ZNF18: variants seen among roughly 807,000 people sequenced by gnomAD.
ZNF18 encodes zinc finger protein 18, also known as heart development-specific gene 1 protein.
In ZNF18, 42 loss-of-function variants were observed where a neutral mutation model predicts 58.1. The ratio of observed to expected loss-of-function variants is 0.72; its 90% CI spans 0.56 to 0.93. ZNF18 has a LOEUF of 0.93. ZNF18 is among the 40% of genes least tolerant of loss of function. ZNF18 has a pLI of 0.00. For missense variants in ZNF18, 540 were observed against 644.2 expected (o/e 0.84, Z 1.75); for synonymous variants, 231 against 239.8 (o/e 0.96, Z 0.34).
the ZNF18 span, among the ~76,000 whole-genome samples, chr17:12,016,992 T>C: frequency 6.6e-6 from 1 of 150,422 alleles, no homozygotes; most frequent in African/African-American, 2.4e-5. Flanking sequence ...AGGCCAGGAG[T>C]TCAAGACAAG....
intron 6 of ZNF18, among the ~76,000 whole-genome samples, chr17:11,980,699 G>A (rs992266510): frequency 2.0e-5 from 3 of 152,214 alleles, no homozygotes; most frequent in South Asian, 2.1e-4. Context: ...GATTACAGAC[G>A]TGAGCCACCG....
intron 6 of ZNF18, among the ~76,000 whole-genome samples, chr17:11,981,654 C>A (rs1037129442): frequency 2.7e-5 from 4 of 146,798 alleles, no homozygotes; most frequent in Admixed American, 7.0e-5. Flanking sequence ...AACAAACAAA[C>A]AAAAAACGAG....
chr17:11,994,381 G>T (rs1968331309), intron 1 of ZNF18, among the ~76,000 whole-genome samples: 1 of 152,120 alleles, frequency 6.6e-6, no homozygotes, highest in Non-Finnish European at 1.5e-5. Context: ...TAATGCAGGA[G>T]ATAGGGGCGC....
upstream of ZNF18, among the ~76,000 whole-genome samples, chr17:12,001,836 T>C (rs1166391680): frequency 2.6e-5 from 4 of 151,906 alleles, no homozygotes; most frequent in Non-Finnish European, 5.9e-5. Context: ...AAACTAAAAA[T>C]AAATTTTTAA....
intron 6 of ZNF18, among the ~76,000 whole-genome samples, chr17:11,981,318 CTT>C (rs35186030): frequency 2.7e-4 from 37 of 135,812 alleles, no homozygotes; most frequent in Admixed American, 3.0e-4. Context: ...CACATATCCT[CTT>C]TTTTTTTTTT....
upstream of ZNF18, among the ~76,000 whole-genome samples, chr17:11,998,820 G>C: frequency 1.5e-5 from 2 of 132,572 alleles, no homozygotes; most frequent in African/African-American, 2.8e-5. Context: ...GAAGTTTCTA[G>C]TCTTTTTTTT....
At chr17:12,015,418 G>A in the ZNF18 span, among the ~76,000 whole-genome samples, 180 of 152,208 alleles carry the variant, frequency 1.2e-3, no homozygotes, top group Non-Finnish European at 2.1e-3. Flanking sequence ...ATATTAGTTG[G>A]ACAAATTCAG....
At chr17:12,001,867 T>C (rs990582815), upstream of ZNF18, among the ~76,000 whole-genome samples, 1 of 151,590 alleles carries the variant, frequency 6.6e-6, no homozygotes, top group African/African-American at 2.4e-5. Flanking sequence ...TAAATGAAAA[T>C]CACTAGTTAC....
At chr17:11,978,840 CTTTTTTTTTTTTTT>C (rs56969015) in intron 6 of ZNF18, 96 bp from the exon 7 acceptor site, 6 of 120,518 alleles carry the variant, frequency 5.0e-5, no homozygotes, top group East Asian at 1.9e-4. Flanking sequence ...CATTCATTTT[CTTTTTTTTTTTTTT>C]TTTTTTTTTT....
the ZNF18 span, among the ~76,000 whole-genome samples, chr17:12,018,970 T>A: frequency 1.3e-5 from 2 of 151,344 alleles, no homozygotes; most frequent in African/African-American, 4.8e-5. Flanking sequence ...ATATTTTTTT[T>A]AATAGATGGA....
Position 11,992,571 on chromosome 17 carries a change from C to A in ZNF18, c.259G>T (p.Glu87Ter), listed in dbSNP as rs200136196. ...KEQILEILMLEQFLTILPGEI... is the reference protein window; with the variant it reads ...KEQILEILML ...CCAGGCAGGATGGTCAGAAACTGCT[C>A]CAACATGAGGATCTCTAGGATCTGC... is the stretch of plus-strand genomic sequence containing the variant. Residue 87 changes from glutamate (E) to a stop codon, truncating the protein, a stop_gained, in exon 2 of 7, where the codon GAG (glutamate) becomes TAG (stop). Transcript: ENST00000580306. LOFTEE classifies it high-confidence loss of function. The A allele has an allele frequency of 1.2e-6, 2 of 1,614,088 alleles. No homozygotes were observed. Among genetic ancestry groups the A allele is most frequent in the Admixed American group, 3.3e-5 (2 of 59,992 alleles).
At chr17:11,995,749 T>A (rs1364727777) in intron 1 of ZNF18, 1 of 151,196 alleles carries the variant, frequency 6.6e-6, no homozygotes, top group Non-Finnish European at 1.5e-5. Context: ...CTTGCTCTAA[T>A]TGACATTTTC....
the ZNF18 span, chr17:12,021,087 C>A: frequency 1.2e-6 from 1 of 815,548 alleles, no homozygotes; most frequent in Non-Finnish European, 1.6e-6. Flanking sequence ...CGCCCCCGGA[C>A]CCGGCTGAGG....
the ZNF18 span, among the ~76,000 whole-genome samples, chr17:12,017,085 C>T: frequency 6.6e-6 from 1 of 151,594 alleles, no homozygotes; most frequent in Non-Finnish European, 1.5e-5. Flanking sequence ...GTAGTGCCAT[C>T]TGCTTGGGAG....
At chr17:11,995,746 T>C (rs1968433688) in intron 1 of ZNF18, 1 of 151,508 alleles carries the variant, frequency 6.6e-6, no homozygotes, top group South Asian at 2.1e-4. Context: ...CGACTTGCTC[T>C]AATTGACATT....
chr17:12,014,788 C>A, the ZNF18 span, among the ~76,000 whole-genome samples: 1 of 152,182 alleles, frequency 6.6e-6, no homozygotes, highest in Admixed American at 6.5e-5. Context: ...CGGTGGCTTA[C>A]ACCTGTAATA....
rs144653425 is a variant in ZNF18 at position 11,992,824 on chromosome 17, G to A, written c.6C>T (p.Pro2=). The A allele has an allele frequency of 3.7e-5, 60 of 1,611,344 alleles. No homozygotes were observed. Among genetic ancestry groups the A allele is most frequent in the African/African-American group, 1.2e-4 (9 of 74,888 alleles). Residue 2 remains proline, a synonymous_variant, in exon 2 of 7, where the codon CCC becomes CCT. Transcript: ENST00000580306. The part of the protein sequence containing the change: M[P]VDLGQALGLL... ...GGCCTAGGGCCTGCCCCAAGTCAAC[G>A]GGCATTGTCCAGCCTGGCAAGTCCT... is the stretch of plus-strand genomic sequence containing the variant.
At chr17:11,983,035 G>A (rs1276065637) in intron 6 of ZNF18, among the ~76,000 whole-genome samples, 1 of 152,128 alleles carries the variant, frequency 6.6e-6, no homozygotes, top group Admixed American at 6.6e-5. Flanking sequence ...GAGAAAGAAA[G>A]CTAAAATAAC....
the ZNF18 span, chr17:12,011,228 G>A: frequency 4.1e-6 from 2 of 492,558 alleles, no homozygotes; most frequent in South Asian, 2.5e-5. Context: ...TCATCATTTT[G>A]GTGAATTACT....
Sources: allele counts gnomAD v4.1 joint callset (sites outside exome capture counted in the v4.1 genomes callset), GRCh38; gene constraint gnomAD v4.1.1; transcripts MANE v1.5; gene names NCBI Gene and HGNC (gene_info 2026-07-23, HGNC 2026-07-21).